Variants in F9 observed in about 807,000 individuals in gnomAD.
F9 encodes Christmas factor.
Under a neutral mutation model 34.1 loss-of-function variants are expected in F9, and 2 were observed. The observed-to-expected ratio is 0.06, with a 90% CI of 0.02 to 0.18. The LOEUF (loss-of-function observed/expected upper bound fraction) is 0.18, where lower values mean the gene tolerates loss of function less well. Among genes scored for constraint, F9 ranks in the 10% least tolerant of loss-of-function variants. The pLI is 1.00. For synonymous variants in F9, 137 were observed against 118.8 expected, an observed-to-expected ratio of 1.15 and a Z score of -1.00; for missense variants, 216 against 345.1, an observed-to-expected ratio of 0.63 and a Z score of 2.96.
At chrX:139,548,077 T>C (rs1312714710) in intron 4 of F9, among the ~76,000 whole-genome samples, 1 of 112,148 alleles carries the variant, frequency 8.9e-6, no homozygotes, top group East Asian at 2.8e-4. Flanking sequence ...TAAATAGGGT[T>C]TTTAAACCTG....
chrX:139,544,667 C>T (rs1927675122), intron 4 of F9: 1 of 111,715 alleles, frequency 9.0e-6, no homozygotes, highest in African/African-American at 3.3e-5. Flanking sequence ...TATTTATTAA[C>T]ATGTGCAATC....
chrX:139,546,184 T>G (rs1485650228), intron 4 of F9, among the ~76,000 whole-genome samples: 1 of 112,046 alleles, frequency 8.9e-6, no homozygotes, highest in Non-Finnish European at 1.9e-5. Context: ...GTATTTGATT[T>G]TTGTTCCTAC....
chrX:139,562,426 TG>T lies in F9; in HGVS notation c.*356del, dbSNP rs2148368567. On this transcript the variant is annotated 3_prime_UTR_variant, in exon 8 of 8. Transcript: ENST00000218099. ...AGCATTCCATCTTCCCGATCTTCTT[TG>T]CTTCTCCAACCAAAACATCAATGTT... The T allele has an allele frequency of 4.1e-6, 1 of 241,810 alleles. No individual in the cohort carries two copies. The highest frequency in any genetic ancestry group is 6.1e-5 in the Admixed American group (1 of 16,289). The allele number at this position is 241,810 out of a possible 1,213,427, so 19.9% of individuals were successfully genotyped here.
chrX:139,560,311 C>CA (rs4149748), intron 6 of F9, among the ~76,000 whole-genome samples: 2,131 of 111,181 alleles, frequency 0.019, 48 homozygotes, highest in African/African-American at 0.065. Context: ...TAACATGTAG[C>CA]AAAAAAAATT....
At chrX:139,539,355 C>T (rs374949891) in intron 3 of F9, among the ~76,000 whole-genome samples, 4 of 112,134 alleles carry the variant, frequency 3.6e-5, no homozygotes, top group African/African-American at 1.3e-4. Flanking sequence ...CTGCTCAACC[C>T]CTTGCTTTCA....
At chrX:139,543,370 G>A (rs780085964) in intron 4 of F9, among the ~76,000 whole-genome samples, 1 of 111,555 alleles carries the variant, frequency 9.0e-6, no homozygotes, top group Non-Finnish European at 1.9e-5. Context: ...ATGAAGGTCT[G>A]TAAGAATTTG....
intron 1 of F9, among the ~76,000 whole-genome samples, chrX:139,535,147 T>A (rs1158846100): frequency 9.0e-6 from 1 of 110,954 alleles, no homozygotes; most frequent in Non-Finnish European, 1.9e-5. Context: ...GGTCAGGAGT[T>A]CGACACCAGC....
intron 1 of F9, among the ~76,000 whole-genome samples, chrX:139,535,084 C>T (rs1166830488): frequency 9.0e-6 from 1 of 111,555 alleles, no homozygotes. Context: ...GGCATGGTGG[C>T]TCACACCTAT....
At chrX:139,553,843 TA>T (rs774758448) in intron 6 of F9, among the ~76,000 whole-genome samples, 2,624 of 67,484 alleles carry the variant, frequency 0.039, 116 homozygotes, top group African/African-American at 0.13. Flanking sequence ...AGTCCAAGAT[TA>T]AAAAAAAAAA....
chrX:139,540,090 G>A (rs755013406), intron 3 of F9, among the ~76,000 whole-genome samples: 11 of 110,616 alleles, frequency 9.9e-5, no homozygotes, highest in Non-Finnish European at 1.9e-4. Context: ...TACAGATCAA[G>A]CTCCTATTTT....
In F9 at chrX:139,560,852, G is replaced by A. The variant is rs137852247; in HGVS notation, c.835G>A (p.Ala279Thr). ...VETGVKITVV[A>T]GEHNIEETEH... ...AACTGGTGTTAAAATTACAGTTGTC[G>A]CAGGTAAATACACAGAAAGAATAAT... Residue 279 changes from alanine (A) to threonine (T), a missense_variant, in exon 7 of 8, where the codon GCA becomes ACA. Physicochemically the swap from Ala to Thr is moderately conservative, Grantham distance 58. Coordinates refer to ENST00000218099, the MANE Select transcript of F9 (RefSeq NM_000133.4). The A allele has an allele frequency of 1.7e-6, 2 of 1,164,074 alleles. No homozygotes were observed. The highest frequency in any genetic ancestry group is 2.3e-6 in the Non-Finnish European group (2 of 852,306).
intron 4 of F9, among the ~76,000 whole-genome samples, chrX:139,544,503 C>T (rs1016776194): frequency 1.8e-5 from 2 of 110,711 alleles, no homozygotes; most frequent in Admixed American, 9.7e-5. Context: ...CTGAAGTATC[C>T]GTAAGGACTA....
intron 7 of F9, among the ~76,000 whole-genome samples, chrX:139,561,174 C>T (rs1038904713): frequency 9.0e-6 from 1 of 111,473 alleles, no homozygotes; most frequent in African/African-American, 3.3e-5. Context: ...GTAGCAGGTC[C>T]TCAGAAAACA....
chrX:139,549,121 T>C (rs1927784426), intron 5 of F9, among the ~76,000 whole-genome samples: 1 of 112,040 alleles, frequency 8.9e-6, no homozygotes, highest in East Asian at 2.8e-4. Flanking sequence ...CATGTTCGTA[T>C]GGCTGTTATC....
At chrX:139,548,064 T>A (rs1229996496) in intron 4 of F9, among the ~76,000 whole-genome samples, 1 of 112,294 alleles carries the variant, frequency 8.9e-6, no homozygotes, top group South Asian at 3.7e-4. Context: ...TGTTATACAT[T>A]AATAAATAGG....
rs137852233 is a variant in F9 at position 139,541,114 on chromosome X, G to A, written c.316G>A (p.Gly106Ser). 1.0e-5 allele frequency: 12 copies of A among 1,198,985 alleles called. No individual in the cohort carries two copies. The highest frequency in any genetic ancestry group is 4.4e-5 in the Admixed American group (2 of 45,366). Reference protein sequence around the residue: ...QCESNPCLNGGSCKDDINSYE... With the variant: ...QCESNPCLNGSSCKDDINSYE... ...TGAGTCCAATCCATGTTTAAATGGCGGCAGTTGCAAGGATGACATTAATTC... is the reference window on the plus strand; with the variant it reads ...TGAGTCCAATCCATGTTTAAATGGCAGCAGTTGCAAGGATGACATTAATTC... The change falls in exon 4 of 8, where the codon GGC (glycine) becomes AGC (serine). Residue 106 changes from glycine (G) to serine (S), a missense_variant. This residue lies in a region of F9 where 177 missense variants were observed against 311.8 expected (regional missense o/e 0.57). Coordinates refer to ENST00000218099, the MANE Select transcript of F9 (RefSeq NM_000133.4).
chrX:139,532,346 C>T (rs1055156256), intron 1 of F9, among the ~76,000 whole-genome samples: 1 of 111,889 alleles, frequency 8.9e-6, no homozygotes, highest in African/African-American at 3.2e-5. Context: ...AAAGGAGTTT[C>T]GGTGAGTGAT....
chrX:139,553,779 C>G (rs4149716), intron 6 of F9, among the ~76,000 whole-genome samples: 1,089 of 91,284 alleles, frequency 0.012, 16 homozygotes, highest in African/African-American at 0.042. Flanking sequence ...CGCCACTGCA[C>G]TCCAGCCTGG....
At chrX:139,530,920 C>T in intron 1 of F9, 68 bp downstream of exon 1, 1 of 909,338 alleles carries the variant, frequency 1.1e-6, no homozygotes, top group Non-Finnish European at 1.6e-6. Context: ...CTGATGCTGT[C>T]TTCTTCACTA....
Sources: gnomAD v4.1 joint callset for allele counts (sites outside exome capture counted in the v4.1 genomes callset) on GRCh38, gnomAD v4.1.1 for gene constraint, gnomAD v4.1.1 regional missense constraint, MANE v1.5 for transcripts, NCBI Gene and HGNC (gene_info 2026-07-23, HGNC 2026-07-21) for gene names.